Variants in MINDY3 observed in about 807,000 individuals in gnomAD.
MINDY3 encodes the protein ubiquitin carboxyl-terminal hydrolase MINDY-3.
A neutral mutation model predicts 69.2 loss-of-function variants in MINDY3; 38 were observed. That is an observed-to-expected ratio of 0.55 (90% CI 0.42 to 0.72). The LOEUF is 0.72. MINDY3 is among the 30% of genes least tolerant of loss of function. MINDY3 has a pLI of 0.00. For missense variants in MINDY3, 522 were observed against 519.0 expected, an observed-to-expected ratio of 1.01 and a Z score of -0.06; for synonymous variants, 192 against 180.1, an observed-to-expected ratio of 1.07 and a Z score of -0.53.
chr10:15,858,963 A>G (rs1337694383), intron 1 of MINDY3, among the ~76,000 whole-genome samples: 1 of 152,222 alleles, frequency 6.6e-6, no homozygotes, highest in East Asian at 1.9e-4. Context: ...CATTACATGT[A>G]GGGTTTGGGA....
At chr10:15,856,264 T>G (rs1308225682) in intron 1 of MINDY3, among the ~76,000 whole-genome samples, 1 of 151,952 alleles carries the variant, frequency 6.6e-6, no homozygotes, top group Non-Finnish European at 1.5e-5. Context: ...TAATATATTT[T>G]ATATTTATAT....
intron 11 of MINDY3, 130 bp from the exon 12 acceptor site, chr10:15,789,449 T>G: frequency 1.6e-6 from 1 of 620,080 alleles, no homozygotes; most frequent in Non-Finnish European, 2.8e-6. Flanking sequence ...ATTCCTTAAG[T>G]TTATTTTAGG....
intron 2 of MINDY3, among the ~76,000 whole-genome samples, chr10:15,844,580 A>G (rs941202536): frequency 6.6e-6 from 1 of 152,186 alleles, no homozygotes; most frequent in Non-Finnish European, 1.5e-5. Flanking sequence ...ATTATTGTGC[A>G]TTAGGTTGCT....
intron 10 of MINDY3, among the ~76,000 whole-genome samples, chr10:15,812,210 G>A (rs989326728): frequency 2.6e-5 from 4 of 152,068 alleles, no homozygotes; most frequent in African/African-American, 9.7e-5. Flanking sequence ...CAAAGTGTTA[G>A]GATTACAGGC....
chr10:15,830,883 C>T (rs150735349), intron 8 of MINDY3, among the ~76,000 whole-genome samples: 123 of 152,228 alleles, frequency 8.1e-4, no homozygotes, highest in African/African-American at 2.7e-3. Flanking sequence ...GTGGCCTGGT[C>T]GTTACACATC....
intron 10 of MINDY3, among the ~76,000 whole-genome samples, chr10:15,799,517 C>G (rs1016231479): frequency 3.3e-5 from 5 of 152,036 alleles, no homozygotes; most frequent in Non-Finnish European, 7.4e-5. Flanking sequence ...ATTAAACATG[C>G]CAACTTTTTG....
intron 2 of MINDY3, among the ~76,000 whole-genome samples, chr10:15,847,030 ATTC>A (rs1216383632): frequency 6.6e-6 from 1 of 152,018 alleles, no homozygotes; most frequent in East Asian, 1.9e-4. Flanking sequence ...GCCAGAATGC[ATTC>A]TTAATACCCA....
intron 2 of MINDY3, among the ~76,000 whole-genome samples, chr10:15,845,892 G>A (rs1323828455): frequency 1.5e-5 from 2 of 137,348 alleles, no homozygotes; most frequent in Non-Finnish European, 3.0e-5. Context: ...GCGTGATCTC[G>A]GCTCACTGCA....
At chr10:15,843,161 C>A in intron 3 of MINDY3, 51 bp downstream of exon 3, 1 of 1,391,228 alleles carries the variant, frequency 7.2e-7, no homozygotes, top group Non-Finnish European at 1.0e-6. Flanking sequence ...TTTAGATCAT[C>A]TCTATTAAAA....
chr10:15,795,299 G>A (rs1441750344), intron 11 of MINDY3, among the ~76,000 whole-genome samples: 3 of 152,060 alleles, frequency 2.0e-5, no homozygotes. Context: ...AGTGGTAAGA[G>A]AAGATATATT....
intron 2 of MINDY3, among the ~76,000 whole-genome samples, chr10:15,845,844 A>G (rs1833801576): frequency 1.0e-5 from 1 of 99,594 alleles, no homozygotes; most frequent in Non-Finnish European, 1.9e-5. Flanking sequence ...TTTTTTTGAG[A>G]CAGAGTTTCA....
intron 2 of MINDY3, among the ~76,000 whole-genome samples, chr10:15,844,858 T>C (rs955563431): frequency 6.6e-6 from 1 of 152,170 alleles, no homozygotes; most frequent in Admixed American, 6.5e-5. Context: ...TAGAACCTAG[T>C]TACAGTTTTA....
At chr10:15,856,163 A>AT (rs1436844663) in intron 1 of MINDY3, among the ~76,000 whole-genome samples, 2 of 152,046 alleles carry the variant, frequency 1.3e-5, no homozygotes, top group Non-Finnish European at 2.9e-5. Flanking sequence ...TTGGTGTGTC[A>AT]TTTTATTACT....
chr10:15,786,993 C>G (rs1480567630), intron 12 of MINDY3, among the ~76,000 whole-genome samples: 1 of 152,120 alleles, frequency 6.6e-6, no homozygotes, highest in Non-Finnish European at 1.5e-5. Flanking sequence ...CTGAATTTAA[C>G]AAATGAGGCA....
At chr10:15,794,769 CA>C (rs903038058) in intron 11 of MINDY3, among the ~76,000 whole-genome samples, 2 of 151,968 alleles carry the variant, frequency 1.3e-5, no homozygotes, top group African/African-American at 2.4e-5. Context: ...TTACTAAAAG[CA>C]AACAAAGCTA....
intron 10 of MINDY3, among the ~76,000 whole-genome samples, chr10:15,806,247 T>C (rs559919737): frequency 6.6e-6 from 1 of 152,184 alleles, no homozygotes; most frequent in Non-Finnish European, 1.5e-5. Context: ...TTTCCTCTTG[T>C]GTCTTCCCTC....
chr10:15,825,543 C>T (rs1840031076), intron 8 of MINDY3, among the ~76,000 whole-genome samples: 1 of 152,142 alleles, frequency 6.6e-6, no homozygotes, highest in Non-Finnish European at 1.5e-5. Flanking sequence ...GAGAATGAAA[C>T]AAACCATCAA....
chr10:15,801,284 G>C (rs1019232256), intron 10 of MINDY3, among the ~76,000 whole-genome samples: 1 of 152,130 alleles, frequency 6.6e-6, no homozygotes, highest in Non-Finnish European at 1.5e-5. Context: ...CATGCAGTCA[G>C]GGTGATGACC....
intron 3 of MINDY3, among the ~76,000 whole-genome samples, chr10:15,842,784 G>C (rs1222866084): frequency 6.6e-6 from 1 of 151,200 alleles, no homozygotes; most frequent in Non-Finnish European, 1.5e-5. Context: ...AGCTATGACA[G>C]CTTCATTTGC....
Sources: allele counts gnomAD v4.1 joint callset (sites outside exome capture counted in the v4.1 genomes callset), GRCh38; gene constraint gnomAD v4.1.1; transcripts MANE v1.5; gene names NCBI Gene and HGNC (gene_info 2026-07-23, HGNC 2026-07-21).